Variants in PDE1A observed in about 807,000 individuals in gnomAD.
PDE1A encodes dual specificity calcium/calmodulin-dependent 3',5'-cyclic nucleotide phosphodiesterase 1A.
In PDE1A, 35 loss-of-function variants were observed where a neutral mutation model predicts 61.7. That is an observed-to-expected ratio of 0.57 (90% CI 0.43 to 0.75). The LOEUF (loss-of-function observed/expected upper bound fraction) is 0.75, where lower values mean the gene tolerates loss of function less well. Ranked by LOEUF, PDE1A falls within the 30% of genes least tolerant of loss-of-function variation. PDE1A has a pLI of 0.00. For missense variants in PDE1A, 597 were observed against 630.6 expected (o/e 0.95, Z 0.57); for synonymous variants, 232 against 213.2 (o/e 1.09, Z -0.77).
the PDE1A span, among the ~76,000 whole-genome samples, chr2:182,569,374 T>C: frequency 6.6e-6 from 1 of 152,044 alleles, no homozygotes; most frequent in South Asian, 2.1e-4. Context: ...TTCTCTACTC[T>C]AGCTAAATGG....
Position 182,241,947 on chromosome 2 carries a change from G to A in PDE1A, c.168-1655C>T, listed in dbSNP as rs1279767696. ...TAGATTCCCTAGCCCATTTCAGCAAGTCACTAAACTTCATGGCTTGAAAAT... is the reference window on the plus strand; with the variant it reads ...TAGATTCCCTAGCCCATTTCAGCAAATCACTAAACTTCATGGCTTGAAAAT... On this transcript the variant is annotated intron_variant, in intron 2 of 13. Transcript: ENST00000351439. 4 of 1,506,384 alleles carry A rather than the reference G, an allele frequency of 2.7e-6. No individual in the cohort carries two copies. In the South Asian group the frequency reaches 5.2e-5, roughly 19 times the overall value. The allele number at this position is 1,506,384 out of a possible 1,614,324, so 93.3% of individuals were successfully genotyped here. A position where few individuals can be genotyped will look rare whatever the true frequency, so the allele number is the denominator to read the frequency against.
chr2:182,534,616 ATC>A, the PDE1A span, among the ~76,000 whole-genome samples: 1 of 151,554 alleles, frequency 6.6e-6, no homozygotes, highest in African/African-American at 2.4e-5. Context: ...GCAATTTTTA[ATC>A]TTTTTTTCTT....
chr2:182,593,666 T>A, the PDE1A span, among the ~76,000 whole-genome samples: 1,397 of 152,310 alleles, frequency 9.2e-3, 11 homozygotes, highest in Middle Eastern at 0.027. Context: ...TAATTTACTT[T>A]TGCAGACCCC....
chr2:182,298,500 C>A (rs936675683), intron 1 of PDE1A, among the ~76,000 whole-genome samples: 1 of 152,016 alleles, frequency 6.6e-6, no homozygotes, highest in African/African-American at 2.4e-5. Context: ...GGGGACAATG[C>A]GGGTGGATGC....
At position 182,366,797 on chromosome 2, in the gene PDE1A, T is replaced by C. The variant is rs1269781925; in HGVS notation, c.53+59781A>G. On this transcript the variant is annotated intron_variant, in intron 1 of 13. Transcript: ENST00000351439. ...TGTTCTTCAGTCCATTAATGTTCAA[T>C]TGTGAAATTGTTTTGACTAGTGGGC... 2.6e-5 allele frequency among the ~76,000 whole-genome samples: 4 copies of C among 152,200 alleles called. No homozygotes were observed. In the East Asian group the frequency reaches 7.7e-4, roughly 29 times the overall value.
intron 2 of PDE1A, among the ~76,000 whole-genome samples, chr2:182,498,561 T>C (rs563244869): frequency 1.3e-5 from 2 of 151,976 alleles, no homozygotes; most frequent in African/African-American, 4.8e-5. Flanking sequence ...ATTAAAAAAA[T>C]GAAATATTCT....
chr2:182,347,211 T>A (rs558250371), intron 1 of PDE1A, among the ~76,000 whole-genome samples: 8 of 152,234 alleles, frequency 5.3e-5, no homozygotes, highest in African/African-American at 1.9e-4. Context: ...ATTTTTAATT[T>A]TGTTTAAAGC....
chr2:182,253,847 T>C (rs1030245226), intron 2 of PDE1A, among the ~76,000 whole-genome samples: 6 of 152,226 alleles, frequency 3.9e-5, no homozygotes, highest in African/African-American at 1.4e-4. Context: ...GCAAGTCAAT[T>C]ACTTTCTTTA....
chr2:182,403,723 C>T (rs1247512213), intron 1 of PDE1A, among the ~76,000 whole-genome samples: 2 of 151,886 alleles, frequency 1.3e-5, no homozygotes, highest in African/African-American at 4.8e-5. Flanking sequence ...TCTCAGCAAA[C>T]TAACACAAGA....
intron 2 of PDE1A, among the ~76,000 whole-genome samples, chr2:182,249,782 C>G (rs1418190869): frequency 3.3e-5 from 5 of 149,978 alleles, no homozygotes; most frequent in African/African-American, 7.3e-5. Context: ...AAGGTAACAC[C>G]AATCCTTCAC....
intron 2 of PDE1A, among the ~76,000 whole-genome samples, chr2:182,490,417 G>A (rs1417522217): frequency 6.6e-6 from 1 of 152,188 alleles, no homozygotes; most frequent in Non-Finnish European, 1.5e-5. Flanking sequence ...TTTCGCCCAG[G>A]CTGGAGTGCA....
At chr2:182,533,666 T>A in the PDE1A span, among the ~76,000 whole-genome samples, 2 of 152,270 alleles carry the variant, frequency 1.3e-5, no homozygotes, top group African/African-American at 4.8e-5. Context: ...GTAAGTATAA[T>A]TGATTAGAAT....
At chr2:182,412,615 G>A (rs768000024) in intron 1 of PDE1A, among the ~76,000 whole-genome samples, 1 of 152,168 alleles carries the variant, frequency 6.6e-6, no homozygotes, top group Non-Finnish European at 1.5e-5. Context: ...GAAACAGCAC[G>A]GGCTTGAGAG....
intron 2 of PDE1A, among the ~76,000 whole-genome samples, chr2:182,446,631 T>G (rs551791641): frequency 7.9e-4 from 121 of 152,238 alleles, no homozygotes; most frequent in African/African-American, 2.9e-3. Flanking sequence ...AGAGAACAAT[T>G]AACAAACTTG....
rs574094482 is a variant in PDE1A at position 182,454,319 on chromosome 2, A to G, written c.101+67957T>C. Among the ~76,000 whole-genome samples, 387 of 152,284 alleles carry G rather than the reference A, an allele frequency of 2.5e-3. 2 individuals are homozygous for G. Among genetic ancestry groups the G allele is most frequent in the South Asian group, 0.021 (101 of 4,824 alleles). On this transcript the variant is annotated intron_variant, in intron 2 of 14. Transcript: ENST00000410103. ...CCATGCTCATGGGTAGGAAGAATCAATATCGTGAAAATGGCCACACTGCCC... is the reference window on the plus strand; with the variant it reads ...CCATGCTCATGGGTAGGAAGAATCAGTATCGTGAAAATGGCCACACTGCCC...
At chr2:182,277,195 C>A (rs1693480852) in intron 1 of PDE1A, among the ~76,000 whole-genome samples, 1 of 152,012 alleles carries the variant, frequency 6.6e-6, no homozygotes, top group Non-Finnish European at 1.5e-5. Context: ...TACATACCAT[C>A]CCCCTTTGAA....
chr2:182,206,136 C>A, intron 7 of PDE1A, 71 bp from the exon 8 acceptor site: 2 of 1,226,408 alleles, frequency 1.6e-6, no homozygotes, highest in South Asian at 1.7e-5. Flanking sequence ...AAGACTTACT[C>A]AAGTATCAAG....
chr2:182,543,985 A>C, the PDE1A span, among the ~76,000 whole-genome samples: 1 of 152,204 alleles, frequency 6.6e-6, no homozygotes, highest in Non-Finnish European at 1.5e-5. Flanking sequence ...CCACATCCTG[A>C]ATTCTGTCAT....
chr2:182,354,449 T>G (rs1699066706), intron 1 of PDE1A, among the ~76,000 whole-genome samples: 1 of 152,166 alleles, frequency 6.6e-6, no homozygotes, highest in Non-Finnish European at 1.5e-5. Context: ...TGCCTTAAGG[T>G]TGCATTCCAA....
Sources: gnomAD v4.1 joint callset for allele counts (sites outside exome capture counted in the v4.1 genomes callset) on GRCh38, gnomAD v4.1.1 for gene constraint, MANE v1.5 for transcripts, NCBI Gene and HGNC (gene_info 2026-07-23, HGNC 2026-07-21) for gene names.